Variants in KIF4A observed in about 807,000 individuals in gnomAD.
KIF4A encodes chromosome-associated kinesin KIF4A.
A neutral mutation model predicts 105.9 loss-of-function variants in KIF4A; 7 were observed. The observed-to-expected ratio is 0.07, with a 90% confidence interval of 0.04 to 0.12. The LOEUF is 0.12. Ranked by LOEUF, KIF4A falls within the 10% of genes least tolerant of loss-of-function variation. KIF4A has a pLI of 1.00. For missense variants in KIF4A, 558 were observed against 929.2 expected (o/e 0.60, Z 5.19); for synonymous variants, 281 against 331.3 (o/e 0.85, Z 1.65).
intron 22 of KIF4A, among the ~76,000 whole-genome samples, chrX:70,401,541 C>A (rs2086282560): frequency 9.1e-6 from 1 of 109,518 alleles, no homozygotes. Flanking sequence ...GCTGGGATTA[C>A]AGGCACCCAC....
At chrX:70,366,614 A>G (rs1326212281) in intron 15 of KIF4A, among the ~76,000 whole-genome samples, 1 of 111,863 alleles carries the variant, frequency 8.9e-6, no homozygotes, top group East Asian at 2.8e-4. Flanking sequence ...GGTCTGAGAG[A>G]CAGTTTGTTA....
intron 10 of KIF4A, among the ~76,000 whole-genome samples, chrX:70,335,183 T>C (rs2085945793): frequency 8.9e-6 from 1 of 112,479 alleles, no homozygotes; most frequent in East Asian, 2.8e-4. Context: ...AAATGTGGTA[T>C]ATACATGCAA....
At position 70,402,548 on chromosome X, in the gene KIF4A, C is replaced by T. The variant is rs993959515; in HGVS notation, c.2490-18C>T. ...TTCAGGCTACTTGCAATAAGGCTTA[C>T]TGTTTCTTTCCCTGAAGGAGTGCTC... On this transcript the variant is annotated intron_variant, in intron 22 of 30. Coordinates refer to ENST00000374403, the MANE Select transcript of KIF4A (RefSeq NM_012310.5). 9.9e-6 allele frequency: 12 copies of T among 1,208,865 alleles called. No homozygotes were observed. The highest frequency in any genetic ancestry group is 5.2e-5 in the African/African-American group (3 of 57,419).
chrX:70,352,198 C>T (rs1031850746), intron 13 of KIF4A, among the ~76,000 whole-genome samples: 6 of 112,250 alleles, frequency 5.3e-5, no homozygotes, highest in African/African-American at 1.9e-4. Flanking sequence ...CCCATAAGAA[C>T]TGGCTAGGCT....
chrX:70,390,549 T>C (rs1322126636), intron 20 of KIF4A, among the ~76,000 whole-genome samples: 1 of 111,973 alleles, frequency 8.9e-6, no homozygotes, highest in Non-Finnish European at 1.9e-5. Flanking sequence ...GTTGAGATGA[T>C]CTGACTGTTG....
At chrX:70,297,329 T>C in intron 4 of KIF4A, 141 bp downstream of exon 4, 1 of 531,539 alleles carries the variant, frequency 1.9e-6, no homozygotes, top group Non-Finnish European at 3.0e-6. Flanking sequence ...ACTGACTCAG[T>C]TGGATCCGGC....
chrX:70,308,924 T>A (rs189434829), intron 7 of KIF4A, among the ~76,000 whole-genome samples: 7 of 112,676 alleles, frequency 6.2e-5, no homozygotes, highest in African/African-American at 1.9e-4. Context: ...ATCTTTTTTG[T>A]ATCCCGTGTA....
At chrX:70,384,966 T>A (rs1212258407) in intron 18 of KIF4A, among the ~76,000 whole-genome samples, 1 of 107,109 alleles carries the variant, frequency 9.3e-6, no homozygotes, top group Non-Finnish European at 1.9e-5. Context: ...TGCCTGGCAA[T>A]TTTTTTTTGT....
chrX:70,410,537 G>A (rs778055039), intron 28 of KIF4A, among the ~76,000 whole-genome samples: 6 of 111,830 alleles, frequency 5.4e-5, no homozygotes, highest in South Asian at 3.8e-4. Flanking sequence ...CTAGAACAGC[G>A]GTCCCCAATC....
intron 7 of KIF4A, among the ~76,000 whole-genome samples, chrX:70,313,143 A>C (rs1270841392): frequency 2.7e-5 from 3 of 110,966 alleles, no homozygotes; most frequent in African/African-American, 6.5e-5. Flanking sequence ...GAATTTGTCC[A>C]TTTCTCCTTG....
At chrX:70,321,038 G>A (rs1012762628) in intron 7 of KIF4A, among the ~76,000 whole-genome samples, 5 of 111,729 alleles carry the variant, frequency 4.5e-5, no homozygotes, top group South Asian at 3.8e-4. Flanking sequence ...GGCATCTCAC[G>A]TAAATAGAAC....
chrX:70,329,512 C>T lies in KIF4A; in HGVS notation c.886C>T (p.Leu296=), dbSNP rs918545973. The change falls in exon 8 of 31, where the codon CTG becomes TTG. Residue 296 remains leucine (L), a synonymous_variant. Transcript: ENST00000374403. ...VPYRDSKLTR[L]LQDSLGGNSH... is the part of the protein sequence containing the mutation. The stretch of plus-strand genomic sequence containing the variant: ...CTACAGAGATTCCAAGTTGACTCGA[C>T]TGCTTCAAGGTAAGCCCAAAGTGCC... 2 of 1,203,245 alleles carry T rather than the reference C, an allele frequency of 1.7e-6. No individual in the cohort carries two copies. Among genetic ancestry groups the T allele is most frequent in the East Asian group, 3.0e-5 (1 of 33,729 alleles).
intron 18 of KIF4A, among the ~76,000 whole-genome samples, chrX:70,383,947 A>G (rs1000562498): frequency 8.9e-6 from 1 of 111,941 alleles, no homozygotes; most frequent in African/African-American, 3.2e-5. Context: ...TGTGGTAATG[A>G]AAATGTTCTA....
intron 28 of KIF4A, among the ~76,000 whole-genome samples, chrX:70,417,463 A>G (rs1210739012): frequency 8.9e-6 from 1 of 112,163 alleles, no homozygotes; most frequent in Non-Finnish European, 1.9e-5. Context: ...CCTGGCCAGC[A>G]TGGTGAAACC....
intron 22 of KIF4A, among the ~76,000 whole-genome samples, chrX:70,400,622 G>A (rs777032601): frequency 3.6e-5 from 4 of 111,847 alleles, no homozygotes; most frequent in East Asian, 2.8e-4. Flanking sequence ...GCATACAGAG[G>A]GAGACATAAG....
rs1488558784 is a variant in KIF4A at position 70,339,203 on chromosome X, C to CGT, written c.1134-2596_1134-2595insGT. ...TATTTATTCTTATGTATGATGTGAGCATACTTTCAATATTTTTGTTTTCAA... is the reference window on the plus strand; with the variant it reads ...TATTTATTCTTATGTATGATGTGAGCGTATACTTTCAATATTTTTGTTTTCAA... On this transcript the variant is annotated intron_variant, in intron 10 of 30. Transcript: ENST00000374403. Among the ~76,000 whole-genome samples the CGT allele has an allele frequency of 1.4e-3, 153 of 111,230 alleles. 2 individuals carry two copies. In the South Asian group the frequency reaches 0.055, roughly 40 times the overall value.
chrX:70,290,323 G>A, intron 1 of KIF4A, 115 bp from the exon 2 acceptor site: 11 of 918,330 alleles, frequency 1.2e-5, no homozygotes, highest in Non-Finnish European at 1.6e-5. Context: ...GTCATGGAGC[G>A]TGAATCTCCC....
rs187428167 is a variant in KIF4A at position 70,392,946 on chromosome X, C to T, written c.2233-2725C>T. Reference sequence around the variant, plus strand: ...CGTGATCTTGGCTCACTGCAAGCTCCGCCTCCTGGATCTTTTTTTTTTTTA... The same window carrying T: ...CGTGATCTTGGCTCACTGCAAGCTCTGCCTCCTGGATCTTTTTTTTTTTTA... On this transcript the variant is annotated intron_variant, in intron 20 of 30. Transcript: ENST00000374403. Among the ~76,000 whole-genome samples the T allele has an allele frequency of 7.5e-3, 745 of 98,951 alleles. 10 individuals carry two copies. The highest frequency in any genetic ancestry group is 0.023 in the African/African-American group (683 of 29,073). The allele number at this position is 98,951 out of a possible 115,157, so 85.9% of individuals were successfully genotyped here. A position where few individuals can be genotyped will look rare whatever the true frequency, so the allele number is the denominator to read the frequency against.
At chrX:70,340,819 TTC>T (rs1296257688) in intron 10 of KIF4A, among the ~76,000 whole-genome samples, 1 of 111,491 alleles carries the variant, frequency 9.0e-6, no homozygotes, top group African/African-American at 3.3e-5. Context: ...TCCTTTATTT[TTC>T]TCTTTTTCAT....
Sources: allele counts gnomAD v4.1 joint callset (sites outside exome capture counted in the v4.1 genomes callset), GRCh38; gene constraint gnomAD v4.1.1; transcripts MANE v1.5; gene names NCBI Gene and HGNC (gene_info 2026-07-23, HGNC 2026-07-21).